The following ARL6 variants were observed in gnomAD, a reference collection of about 807,000 sequenced individuals.
The protein encoded by ARL6 is ARF like GTPase 6, also known as ADP-ribosylation factor-like protein 6.
In ARL6, 18 loss-of-function variants were observed where a neutral mutation model predicts 27.1. The observed-to-expected ratio is 0.66, with a 90% CI of 0.46 to 0.98. The LOEUF (loss-of-function observed/expected upper bound fraction) is 0.98. Among genes scored for constraint, ARL6 ranks in the 50% least tolerant of loss-of-function variants. The pLI, the probability that ARL6 is intolerant of heterozygous loss-of-function variation, is 0.00. For synonymous variants in ARL6, 65 were observed against 72.3 expected, an observed-to-expected ratio of 0.90 and a Z score of 0.51; for missense variants, 187 against 214.9, an observed-to-expected ratio of 0.87 and a Z score of 0.81.
intron 7 of ARL6, among the ~76,000 whole-genome samples, chr3:97,795,274 G>A (rs1399548899): frequency 1.3e-5 from 2 of 152,148 alleles, no homozygotes; most frequent in Non-Finnish European, 2.9e-5. Flanking sequence ...TTGCAGAACT[G>A]TAAGTTTTCT....
intron 2 of ARL6, among the ~76,000 whole-genome samples, chr3:97,776,604 C>A (rs1403500682): frequency 6.6e-6 from 1 of 151,918 alleles, no homozygotes; most frequent in Non-Finnish European, 1.5e-5. Flanking sequence ...AGCCTAATTG[C>A]TTCTTGCTTC....
intron 6 of ARL6, among the ~76,000 whole-genome samples, chr3:97,789,359 T>G (rs1346517322): frequency 6.6e-6 from 1 of 152,176 alleles, no homozygotes; most frequent in Non-Finnish European, 1.5e-5. Flanking sequence ...CTAAATTGAT[T>G]ACTTCTAAAA....
At chr3:97,778,679 G>A (rs1271446756) in intron 2 of ARL6, among the ~76,000 whole-genome samples, 1 of 152,120 alleles carries the variant, frequency 6.6e-6, no homozygotes, top group Non-Finnish European at 1.5e-5. Context: ...CATTTACTGT[G>A]TTGAGTATTT....
chr3:97,776,470 C>A (rs182917815), intron 2 of ARL6, among the ~76,000 whole-genome samples: 1 of 151,948 alleles, frequency 6.6e-6, no homozygotes, highest in Admixed American at 6.6e-5. Context: ...CTTACTATTG[C>A]CATTTAGTTA....
At position 97,791,805 on chromosome 3, in the gene ARL6, G is replaced by T; in HGVS notation, c.514G>T (p.Glu172Ter). The change falls in exon 7 of 8, where the codon GAA (glutamate) becomes TAA (stop). Residue 172 changes from glutamate to a stop codon, truncating the protein, a stop_gained. Coordinates refer to ENST00000463745, the MANE Select transcript of ARL6 (RefSeq NM_001278293.3). LOFTEE classifies it high-confidence loss of function. ...SDAIKGEGLQ[E>*]GVDWLQDQIQ... ...TGCCATAAAAGGAGAAGGCTTGCAA[G>T]AAGGTGTAGACTGGCTTCAAGGTAC... 1 of 1,613,792 alleles carries T rather than the reference G, an allele frequency of 6.2e-7. No homozygotes were observed. The highest frequency in any genetic ancestry group is 8.5e-7 in the Non-Finnish European group (1 of 1,179,824).
chr3:97,778,750 T>A (rs918146022), intron 2 of ARL6, among the ~76,000 whole-genome samples: 2 of 152,178 alleles, frequency 1.3e-5, no homozygotes, highest in Non-Finnish European at 2.9e-5. Flanking sequence ...AATAATAATA[T>A]ATTTCACATT....
At chr3:97,767,012 C>T in intron 1 of ARL6, among the ~76,000 whole-genome samples, 1 of 152,008 alleles carries the variant, frequency 6.6e-6, no homozygotes, top group Non-Finnish European at 1.5e-5. Flanking sequence ...TTTAACAGTA[C>T]CTTAGATGAA....
rs2038164164 is a variant in ARL6 at position 97,799,677 on chromosome 3, A to G, written c.*1628A>G. 1 of 152,156 alleles carries G rather than the reference A, an allele frequency of 6.6e-6. No individual in the cohort carries two copies. Among genetic ancestry groups the G allele is most frequent in the African/African-American group, 2.4e-5 (1 of 41,468 alleles). 9.4% of individuals were successfully genotyped at this position (152,156 alleles called of 1,614,324 possible). ...ATTATATTATAAGCAGGTATTACACATACAGAATTTTCAACATTTAATCCT... is the reference window on the plus strand; with the variant it reads ...ATTATATTATAAGCAGGTATTACACGTACAGAATTTTCAACATTTAATCCT... On this transcript the variant is annotated 3_prime_UTR_variant, in exon 8 of 8. Transcript: ENST00000463745.
At chr3:97,782,598 T>G (rs1251974922) in intron 4 of ARL6, among the ~76,000 whole-genome samples, 2 of 151,876 alleles carry the variant, frequency 1.3e-5, no homozygotes, top group Non-Finnish European at 2.9e-5. Flanking sequence ...CCTGTGAGAA[T>G]GTAATATCTT....
intron 1 of ARL6, chr3:97,766,214 G>A (rs2036374412): frequency 6.6e-6 from 1 of 152,130 alleles, no homozygotes; most frequent in Non-Finnish European, 1.5e-5. Flanking sequence ...ATTATGAAAT[G>A]GAGAACAAGA....
At chr3:97,766,996 T>G (rs896792713) in intron 1 of ARL6, among the ~76,000 whole-genome samples, 3 of 152,138 alleles carry the variant, frequency 2.0e-5, no homozygotes, top group Non-Finnish European at 2.9e-5. Flanking sequence ...AGACCTGAAG[T>G]GTAAATTTAA....
At chr3:97,782,512 CA>C (rs2037246364) in intron 4 of ARL6, among the ~76,000 whole-genome samples, 1 of 151,700 alleles carries the variant, frequency 6.6e-6, no homozygotes, top group Non-Finnish European at 1.5e-5. Context: ...TGAAACAAAA[CA>C]AGTACATTTT....
At chr3:97,797,186 A>G (rs762040476) in intron 7 of ARL6, among the ~76,000 whole-genome samples, 14 of 152,160 alleles carry the variant, frequency 9.2e-5, no homozygotes, top group Admixed American at 6.5e-4. Context: ...AGAGTTTTTT[A>G]TAAGACTCTG....
chr3:97,787,741 C>T lies in ARL6; in HGVS notation c.350-249C>T, dbSNP rs142374191. ...TCTGTAATGCTTATTGAGCTCCAGT[C>T]CCACCTCACCCATCTTTGGTTAAAG... On this transcript the variant is annotated intron_variant, in intron 5 of 7. Transcript: ENST00000463745. 7.6e-3 allele frequency among the ~76,000 whole-genome samples: 1,156 copies of T among 152,116 alleles called. 6 individuals are homozygous for T. The highest frequency in any genetic ancestry group is 0.011 in the Non-Finnish European group (733 of 67,956).
At position 97,799,027 on chromosome 3, in the gene ARL6, A is replaced by G. The variant is rs1313117641; in HGVS notation, c.*978A>G. The G allele has an allele frequency of 2.0e-5, 3 of 152,048 alleles. No homozygotes were observed. The highest frequency in any genetic ancestry group is 7.2e-5 in the African/African-American group (3 of 41,440). The allele number at this position is 152,048 out of a possible 1,614,324, so 9.4% of individuals were successfully genotyped here. On this transcript the variant is annotated 3_prime_UTR_variant, in exon 8 of 8. Transcript: ENST00000463745. Reference sequence around the variant, plus strand: ...ATTTTAGACATATCTCAGGCACACAAATTATTAGTTCTCACAAATTAGAGA... The same window carrying G: ...ATTTTAGACATATCTCAGGCACACAGATTATTAGTTCTCACAAATTAGAGA...
chr3:97,791,797 G>C lies in ARL6; in HGVS notation c.506G>C (p.Gly169Ala), dbSNP rs104893679. 19 of 1,613,646 alleles carry C rather than the reference G, an allele frequency of 1.2e-5. No homozygotes were observed. Among genetic ancestry groups the C allele is most frequent in the Non-Finnish European group, 1.5e-5 (18 of 1,179,818 alleles). The change falls in exon 7 of 8, where the codon GGC becomes GCC. Residue 169 changes from glycine (G) to alanine (A), a missense_variant. Gly to Ala is a moderately conservative substitution (Grantham distance 60, BLOSUM62 0). Transcript: ENST00000463745. The stretch of plus-strand genomic sequence containing the variant: ...GCTAGTGATGCCATAAAAGGAGAAG[G>C]CTTGCAAGAAGGTGTAGACTGGCTT... ...ICASDAIKGE[G>A]LQEGVDWLQD...
At chr3:97,765,211 G>GGTGTGTGTGTGT (rs71113866) in intron 1 of ARL6, among the ~76,000 whole-genome samples, 165 of 105,608 alleles carry the variant, frequency 1.6e-3, no homozygotes, top group South Asian at 3.4e-3. Flanking sequence ...GTGTATTGGG[G>GGTGTGTGTGTGT]GTGTGTGTGT....
intron 6 of ARL6, among the ~76,000 whole-genome samples, chr3:97,790,490 G>C (rs1035806013): frequency 6.6e-6 from 1 of 152,058 alleles, no homozygotes; most frequent in Non-Finnish European, 1.5e-5. Context: ...TATTTGAGAG[G>C]AAAGATAGAA....
intron 1 of ARL6, 25 bp from the exon 2 acceptor site, chr3:97,768,056 A>G (rs1397470907): frequency 1.2e-6 from 2 of 1,604,494 alleles, no homozygotes; most frequent in Non-Finnish European, 1.7e-6. Context: ...CCTTTGGGTA[A>G]TATTTTATTT....
Sources: gnomAD v4.1 joint callset for allele counts (sites outside exome capture counted in the v4.1 genomes callset) on GRCh38, gnomAD v4.1.1 for gene constraint, MANE v1.5 for transcripts, NCBI Gene and HGNC (gene_info 2026-07-23, HGNC 2026-07-21) for gene names.